The following CC2D2A variants were observed in gnomAD, a reference collection of about 807,000 sequenced individuals.
CC2D2A encodes coiled-coil and C2 domain containing 2A, also known as coiled-coil and C2 domain-containing protein 2A.
A neutral mutation model predicts 212.9 loss-of-function variants in CC2D2A; 155 were observed. The observed-to-expected ratio is 0.73, with a 90% CI of 0.64 to 0.83. CC2D2A has a LOEUF of 0.83. Ranked by LOEUF, CC2D2A falls within the 40% of genes least tolerant of loss-of-function variation. The pLI, the probability that CC2D2A is intolerant of heterozygous loss-of-function variation, is 0.00. For synonymous variants in CC2D2A, 667 were observed against 686.5 expected (o/e 0.97, Z 0.44); for missense variants, 1,856 against 1,956.2 (o/e 0.95, Z 0.97).
chr4:15,531,063 A>C (rs1717823566), intron 13 of CC2D2A, among the ~76,000 whole-genome samples: 1 of 152,110 alleles, frequency 6.6e-6, no homozygotes, highest in Admixed American at 6.6e-5. Context: ...CTATGACCCC[A>C]AGTCCCCATC....
intron 33 of CC2D2A, among the ~76,000 whole-genome samples, chr4:15,593,116 TGATTAA>T (rs1211726199): frequency 6.6e-6 from 1 of 152,226 alleles, no homozygotes; most frequent in African/African-American, 2.4e-5. Flanking sequence ...CACGGATACC[TGATTAA>T]GCTTTCATCA....
chr4:15,502,377 TTTTC>T (rs1317063052), intron 4 of CC2D2A, 48 bp from the exon 5 acceptor site: 19 of 1,456,460 alleles, frequency 1.3e-5, no homozygotes, highest in Middle Eastern at 4.1e-4. Context: ...TTCCTTTTTC[TTTTC>T]TTTTTCTTTT....
At chr4:15,510,961 T>A (rs1365678101) in intron 7 of CC2D2A, among the ~76,000 whole-genome samples, 1 of 152,248 alleles carries the variant, frequency 6.6e-6, no homozygotes, top group Non-Finnish European at 1.5e-5. Flanking sequence ...TAATCTTATC[T>A]AAAGTGTTTA....
At chr4:15,511,573 T>A (rs1219608811) in intron 8 of CC2D2A, 150 bp downstream of exon 8, 1 of 625,060 alleles carries the variant, frequency 1.6e-6, no homozygotes, top group East Asian at 3.5e-5. Context: ...AAGTACTGAA[T>A]TCACATGGCT....
chr4:15,528,908 T>G (rs371624631), intron 13 of CC2D2A, among the ~76,000 whole-genome samples, 182 bp downstream of exon 13: 17 of 152,140 alleles, frequency 1.1e-4, no homozygotes, highest in African/African-American at 4.1e-4. Flanking sequence ...TGAATGAGGA[T>G]GTAAGGAAAT....
chr4:15,589,708 G>T, intron 33 of CC2D2A, 29 bp downstream of exon 33: 1 of 1,411,812 alleles, frequency 7.1e-7, no homozygotes, highest in South Asian at 2.0e-5. Context: ...TCTTAAATAT[G>T]GTTAGCTGTC....
intron 33 of CC2D2A, among the ~76,000 whole-genome samples, chr4:15,591,021 C>A (rs1459288554): frequency 6.6e-6 from 1 of 152,128 alleles, no homozygotes; most frequent in Non-Finnish European, 1.5e-5. Flanking sequence ...AGCCACCACA[C>A]CCAGCAAATT....
At chr4:15,592,338 T>C (rs1156785899) in intron 33 of CC2D2A, among the ~76,000 whole-genome samples, 1 of 152,180 alleles carries the variant, frequency 6.6e-6, no homozygotes, top group Non-Finnish European at 1.5e-5. Flanking sequence ...AAATACTAGT[T>C]ATATCTCTTG....
intron 17 of CC2D2A, among the ~76,000 whole-genome samples, chr4:15,545,995 A>T (rs1211361010): frequency 6.6e-6 from 1 of 152,056 alleles, no homozygotes; most frequent in Non-Finnish European, 1.5e-5. Flanking sequence ...CTCTAGTCCC[A>T]GCTACTTGGG....
intron 3 of CC2D2A, chr4:15,479,299 A>G: frequency 2.0e-6 from 3 of 1,537,104 alleles, no homozygotes; most frequent in Non-Finnish European, 2.6e-6. Context: ...CTAGGCTGGG[A>G]GCATCCCGTG....
intron 4 of CC2D2A, among the ~76,000 whole-genome samples, chr4:15,501,912 T>C (rs1466412924): frequency 6.6e-6 from 1 of 152,190 alleles, no homozygotes; most frequent in Non-Finnish European, 1.5e-5. Flanking sequence ...ACACAAAATG[T>C]ATATTGTCTC....
chr4:15,574,442 C>A, intron 29 of CC2D2A, 116 bp downstream of exon 29: 1 of 721,406 alleles, frequency 1.4e-6, no homozygotes. Flanking sequence ...TTACTTCAAT[C>A]TCCATTTATT....
intron 7 of CC2D2A, 77 bp downstream of exon 7, chr4:15,510,317 C>G (rs113565267): frequency 4.6e-6 from 6 of 1,301,544 alleles, no homozygotes; most frequent in Non-Finnish European, 6.6e-6. Flanking sequence ...GACTACAGGC[C>G]GGGTGTGGTG....
intron 6 of CC2D2A, among the ~76,000 whole-genome samples, chr4:15,507,512 C>T (rs1268172918): frequency 6.6e-6 from 1 of 152,128 alleles, no homozygotes; most frequent in African/African-American, 2.4e-5. Flanking sequence ...TGTATTCTGA[C>T]ACATATGCAA....
intron 24 of CC2D2A, among the ~76,000 whole-genome samples, chr4:15,567,157 C>T (rs1471373874): frequency 6.6e-6 from 1 of 150,898 alleles, no homozygotes; most frequent in South Asian, 2.1e-4. Flanking sequence ...GTGACTCACA[C>T]CTGTAGTCCC....
At position 15,475,978 on chromosome 4, in the gene CC2D2A, G is replaced by A. The variant is rs1389256356; in HGVS notation, c.39+7G>A. The A allele has an allele frequency of 2.5e-6, 4 of 1,587,580 alleles. No individual in the cohort carries two copies. The highest frequency in any genetic ancestry group is 3.6e-5 in the Admixed American group (2 of 56,230). On this transcript the variant is annotated splice_region_variant and intron_variant, in intron 2 of 36. Coordinates refer to ENST00000424120, the MANE Select transcript of CC2D2A (RefSeq NM_001378615.1). ...AGTAAAAATAATTACAGAGGTAAGT[G>A]GCCACTTTGATGTCCTCTAGGGATG... is the stretch of plus-strand genomic sequence containing the variant.
intron 19 of CC2D2A, among the ~76,000 whole-genome samples, chr4:15,553,700 C>G (rs1719124277): frequency 6.6e-6 from 1 of 152,048 alleles, no homozygotes; most frequent in Non-Finnish European, 1.5e-5. Context: ...ACATGAAAGT[C>G]CCCATTCTCC....
At position 15,601,395 on chromosome 4, in the gene CC2D2A, C is replaced by A; in HGVS notation, c.4833C>A (p.Ile1611=). The A allele has an allele frequency of 6.4e-7, 1 of 1,555,600 alleles. No individual in the cohort carries two copies. The highest frequency in any genetic ancestry group is 1.9e-5 in the Admixed American group (1 of 53,006). ...CCAAAAATGTTTTGTCTGTTTGGAT[C>A]TATGTTGCCTCTCTTATACGCAACA... The part of the protein sequence containing the change: ...PYPKNVLSVW[I]YVASLIRNR The change falls in exon 37 of 37, where the codon ATC becomes ATA. Residue 1611 remains isoleucine, a synonymous_variant. Transcript: ENST00000424120.
At chr4:15,528,859 C>T in intron 13 of CC2D2A, 133 bp downstream of exon 13, 1 of 612,780 alleles carries the variant, frequency 1.6e-6, no homozygotes, top group Admixed American at 3.1e-5. Flanking sequence ...CAATCAAATA[C>T]ATCTATCATA....
Sources: gnomAD v4.1 joint callset for allele counts (sites outside exome capture counted in the v4.1 genomes callset) on GRCh38, gnomAD v4.1.1 for gene constraint, MANE v1.5 for transcripts, NCBI Gene and HGNC (gene_info 2026-07-23, HGNC 2026-07-21) for gene names.